KCNH7: variants seen among roughly 807,000 people sequenced by gnomAD.
KCNH7 encodes the protein potassium voltage-gated channel subfamily H member 7, also known as voltage-gated inwardly rectifying potassium channel KCNH7.
KCNH7 carries 49 observed loss-of-function variants against 120.8 expected under a neutral mutation model. That is an observed-to-expected ratio of 0.41 (90% CI 0.32 to 0.51). KCNH7 has a LOEUF of 0.51. Among genes scored for constraint, KCNH7 ranks in the 20% least tolerant of loss-of-function variants. The pLI is 0.38. For synonymous variants in KCNH7, 547 were observed against 516.1 expected, an observed-to-expected ratio of 1.06 and a Z score of -0.81; for missense variants, 1,097 against 1,446.6, an observed-to-expected ratio of 0.76 and a Z score of 3.92.
intron 7 of KCNH7, 149 bp downstream of exon 7, chr2:162,445,869 C>G (rs988376072): frequency 1.4e-5 from 9 of 640,336 alleles, no homozygotes; most frequent in Admixed American, 3.2e-5. Flanking sequence ...AAAATGGTTT[C>G]ATTTCATTCT....
At chr2:162,749,148 C>T (rs1022089751) in intron 2 of KCNH7, among the ~76,000 whole-genome samples, 1 of 151,398 alleles carries the variant, frequency 6.6e-6, no homozygotes, top group Non-Finnish European at 1.5e-5. Flanking sequence ...GCCTCCCCTC[C>T]CCTCCCCTCC....
chr2:162,575,648 G>C (rs1188211316), intron 2 of KCNH7, among the ~76,000 whole-genome samples: 1 of 152,028 alleles, frequency 6.6e-6, no homozygotes, highest in Non-Finnish European at 1.5e-5. Flanking sequence ...TAACCCTAGA[G>C]ACTGACTTTC....
chr2:162,449,073 A>C (rs529581577), intron 6 of KCNH7, among the ~76,000 whole-genome samples: 1 of 152,130 alleles, frequency 6.6e-6, no homozygotes, highest in African/African-American at 2.4e-5. Flanking sequence ...AACAAGGGTA[A>C]GAAAGCATAA....
At chr2:162,407,025 T>G (rs1335213166) in intron 9 of KCNH7, among the ~76,000 whole-genome samples, 1 of 152,034 alleles carries the variant, frequency 6.6e-6, no homozygotes, top group Admixed American at 6.6e-5. Flanking sequence ...AATTGTTTCA[T>G]CATCTAATTT....
At chr2:162,389,584 G>C (rs1393634413) in intron 12 of KCNH7, among the ~76,000 whole-genome samples, 1 of 151,924 alleles carries the variant, frequency 6.6e-6, no homozygotes, top group Non-Finnish European at 1.5e-5. Flanking sequence ...TGTTGTTTTG[G>C]GAGAGGTGAC....
intron 2 of KCNH7, among the ~76,000 whole-genome samples, chr2:162,559,408 G>C (rs757301612): frequency 2.6e-5 from 4 of 152,154 alleles, no homozygotes; most frequent in Non-Finnish European, 5.9e-5. Context: ...TAGTGATAAA[G>C]GTGTTAAATT....
At position 162,517,994 on chromosome 2, in the gene KCNH7, G is replaced by C; in HGVS notation, c.628C>G (p.Pro210Ala). ...FKSPTKESCS[P>A]SEADDTKALI... ...GCTTTTGTGTCATCTGCTTCAGAGG[G>C]GCTGCAGCTTTCTTTTGTAGGAGAC... The change falls in exon 4 of 16, where the codon CCC (proline) becomes GCC (alanine). Residue 210 changes from proline to alanine, a missense_variant. By Grantham distance (27) the Pro-to-Ala change is conservative. This residue lies in a region of KCNH7 where 362 missense variants were observed against 372.2 expected (regional missense o/e 0.97). Coordinates refer to ENST00000332142, the MANE Select transcript of KCNH7 (RefSeq NM_033272.4). 6.2e-7 allele frequency: 1 copy of C among 1,612,344 alleles called. No individual in the cohort carries two copies. Among genetic ancestry groups the C allele is most frequent in the Non-Finnish European group, 8.5e-7 (1 of 1,178,906 alleles).
At chr2:162,456,961 A>T (rs562483302) in intron 6 of KCNH7, among the ~76,000 whole-genome samples, 5 of 152,168 alleles carry the variant, frequency 3.3e-5, no homozygotes, top group African/African-American at 1.2e-4. Flanking sequence ...TGAGTTTAGA[A>T]TTACAGAATT....
chr2:162,455,688 T>G (rs552986062), intron 6 of KCNH7, among the ~76,000 whole-genome samples: 1 of 152,280 alleles, frequency 6.6e-6, no homozygotes, highest in East Asian at 1.9e-4. Context: ...GTCCAGGAAT[T>G]TATCCATTTC....
At chr2:162,791,937 T>C (rs1683961384) in intron 2 of KCNH7, among the ~76,000 whole-genome samples, 1 of 152,166 alleles carries the variant, frequency 6.6e-6, no homozygotes, top group Non-Finnish European at 1.5e-5. Context: ...TGGCTCTTAT[T>C]ATATTGAAGT....
intron 2 of KCNH7, among the ~76,000 whole-genome samples, chr2:162,623,261 A>G (rs953904241): frequency 3.9e-5 from 6 of 152,296 alleles, no homozygotes; most frequent in African/African-American, 1.4e-4. Flanking sequence ...AACAGCTTTA[A>G]GCATTTCTAA....
intron 2 of KCNH7, among the ~76,000 whole-genome samples, chr2:162,610,184 T>G (rs1009734202): frequency 1.3e-5 from 2 of 152,220 alleles, no homozygotes; most frequent in South Asian, 4.1e-4. Flanking sequence ...GCATTGTTCT[T>G]AACTTTTTGA....
chr2:162,518,266 A>C (rs2105786040), intron 3 of KCNH7, 108 bp from the exon 4 acceptor site: 2 of 813,562 alleles, frequency 2.5e-6, no homozygotes, highest in East Asian at 5.3e-5. Context: ...AATAATTTTG[A>C]ATCAATGGTT....
At chr2:162,795,414 G>A (rs1684109489) in intron 2 of KCNH7, 1 of 151,884 alleles carries the variant, frequency 6.6e-6, no homozygotes, top group Admixed American at 6.6e-5. Flanking sequence ...TCTTTTTAAA[G>A]GACATTCAAT....
chr2:162,546,418 C>T (rs1225469692), intron 2 of KCNH7, among the ~76,000 whole-genome samples: 1 of 152,142 alleles, frequency 6.6e-6, no homozygotes, highest in Non-Finnish European at 1.5e-5. Context: ...CAGGCCCACC[C>T]ACTAAACTGC....
chr2:162,662,460 G>A (rs1684997139), intron 2 of KCNH7, among the ~76,000 whole-genome samples: 1 of 152,132 alleles, frequency 6.6e-6, no homozygotes, highest in Non-Finnish European at 1.5e-5. Flanking sequence ...ATTACAGACA[G>A]ATACCTGAAA....
chr2:162,762,283 ATGTG>A (rs756325209), intron 2 of KCNH7, among the ~76,000 whole-genome samples: 1 of 151,378 alleles, frequency 6.6e-6, no homozygotes, highest in Non-Finnish European at 1.5e-5. Context: ...ATATATACAT[ATGTG>A]TGTGTGTGTA....
rs766264346 is a variant in KCNH7, at chr2:162,371,923, A to G, written c.3497T>C (p.Ile1166Thr). ...LRQRKTYVHP[I>T]RHPSLPDSSL... ...TGAATCTGGCAAAGAAGGATGCCTAATTGGATGAACGTAAGTTTTTCTTTG... is the reference window on the plus strand; with the variant it reads ...TGAATCTGGCAAAGAAGGATGCCTAGTTGGATGAACGTAAGTTTTTCTTTG... The change falls in exon 16 of 16, where the codon ATT becomes ACT. Residue 1166 changes from isoleucine (I) to threonine (T), a missense_variant. Around this residue, in one of 8 missense-constraint regions of KCNH7, gnomAD observed 406 missense variants for 410.5 expected, o/e 0.99. Transcript: ENST00000332142. 3 of 1,613,914 alleles carry G rather than the reference A, an allele frequency of 1.9e-6. No homozygotes were observed. The highest frequency in any genetic ancestry group is 2.5e-6 in the Non-Finnish European group (3 of 1,179,878).
chr2:162,423,277 A>G (rs917528687), intron 9 of KCNH7, 59 bp downstream of exon 9: 3 of 1,611,376 alleles, frequency 1.9e-6, no homozygotes, highest in Non-Finnish European at 8.5e-7. Flanking sequence ...CTTTTATTCC[A>G]TTTTGGCTAT....
Sources: gnomAD v4.1 joint callset for allele counts (sites outside exome capture counted in the v4.1 genomes callset) on GRCh38, gnomAD v4.1.1 for gene constraint, gnomAD v4.1.1 regional missense constraint, MANE v1.5 for transcripts, NCBI Gene and HGNC (gene_info 2026-07-23, HGNC 2026-07-21) for gene names.